UGP2: variants seen among roughly 807,000 people sequenced by gnomAD.
UGP2 encodes UDP-glucose pyrophosphorylase 2, also known as UTP--glucose-1-phosphate uridylyltransferase.
UGP2 carries 40 observed loss-of-function variants against 49.0 expected under a neutral mutation model. That is an observed-to-expected ratio of 0.82 (90% CI 0.63 to 1.06). The LOEUF (loss-of-function observed/expected upper bound fraction) is 1.06, where lower values mean the gene tolerates loss of function less well. Ranked by LOEUF, UGP2 falls within the 50% of genes least tolerant of loss-of-function variation. The pLI is 0.00. For missense variants in UGP2, 460 were observed against 603.5 expected, an observed-to-expected ratio of 0.76 and a Z score of 2.49; for synonymous variants, 225 against 213.0, an observed-to-expected ratio of 1.06 and a Z score of -0.49.
chr2:63,846,634 C>T (rs1363596395), intron 1 of UGP2, among the ~76,000 whole-genome samples: 1 of 152,052 alleles, frequency 6.6e-6, no homozygotes, highest in Non-Finnish European at 1.5e-5. Flanking sequence ...TTTGGTGACT[C>T]CTATTTGATA....
chr2:63,861,806 G>T (rs1669872442), intron 3 of UGP2, among the ~76,000 whole-genome samples: 1 of 152,034 alleles, frequency 6.6e-6, no homozygotes, highest in Admixed American at 6.6e-5. Flanking sequence ...TAGAGAATTG[G>T]CATGAAGAGA....
chr2:63,864,235 T>C (rs1253246599), intron 3 of UGP2, among the ~76,000 whole-genome samples: 1 of 152,146 alleles, frequency 6.6e-6, no homozygotes, highest in Non-Finnish European at 1.5e-5. Flanking sequence ...GTTATGTCAT[T>C]TTACAAAAGA....
intron 4 of UGP2, 112 bp downstream of exon 4, chr2:63,882,763 G>A (rs1039618661): frequency 3.4e-6 from 4 of 1,180,922 alleles, no homozygotes; most frequent in Admixed American, 2.7e-5. Flanking sequence ...CAAAGAGCCT[G>A]CTATCTTTAA....
intron 3 of UGP2, among the ~76,000 whole-genome samples, chr2:63,865,124 C>A (rs577671752): frequency 2.0e-5 from 3 of 152,280 alleles, no homozygotes; most frequent in Non-Finnish European, 4.4e-5. Context: ...TACATTTATT[C>A]TACAGACCTA....
At position 63,842,080 on chromosome 2, in the gene UGP2, A is replaced by G; in HGVS notation, c.-106A>G. On this transcript the variant is annotated 5_prime_UTR_variant, in exon 1 of 10. Transcript: ENST00000337130. ...TAAGTAGTTAAATATAGGAGGAGAAAGAATACATCGGTTGTTAAAGCAGGA... is the reference window on the plus strand; with the variant it reads ...TAAGTAGTTAAATATAGGAGGAGAAGGAATACATCGGTTGTTAAAGCAGGA... 2.2e-6 allele frequency: 3 copies of G among 1,376,646 alleles called. No homozygotes were observed. The highest frequency in any genetic ancestry group is 2.9e-6 in the Non-Finnish European group (3 of 1,018,878). The allele number at this position is 1,376,646 out of a possible 1,614,324, so 85.3% of individuals were successfully genotyped here. A position where few individuals can be genotyped will look rare whatever the true frequency, so the allele number is the denominator to read the frequency against.
At position 63,891,174 on chromosome 2, in the gene UGP2, G is replaced by C; in HGVS notation, c.1474G>C (p.Ala492Pro). 6.2e-7 allele frequency: 1 copy of C among 1,613,798 alleles called. No individual in the cohort carries two copies. The highest frequency in any genetic ancestry group is 8.5e-7 in the Non-Finnish European group (1 of 1,179,846). The stretch of plus-strand genomic sequence containing the variant: ...TGACAGAATTGATATCCCACCTGGA[G>C]CAGTATTAGAGAACAAGATTGTGTC... ...HGDRIDIPPG[A>P]VLENKIVSGN... The change falls in exon 10 of 10, where the codon GCA becomes CCA. Residue 492 changes from alanine to proline, a missense_variant. This residue lies in a region of UGP2 where 317 missense variants were observed against 473.0 expected (regional missense o/e 0.67). Transcript: ENST00000337130.
rs1327784428 is a variant in UGP2, at chr2:63,842,122, C to A, written c.-64C>A. 2 of 1,551,404 alleles carry A rather than the reference C, an allele frequency of 1.3e-6. No individual in the cohort carries two copies. The highest frequency in any genetic ancestry group is 1.2e-5 in the South Asian group (1 of 81,358). On this transcript the variant is annotated 5_prime_UTR_variant, in exon 1 of 10. Transcript: ENST00000337130. Reference sequence around the variant, plus strand: ...AAAGCAGGAGAGGAAGAGAGACCTGCCCTGTAGCGTGACTCCTCTAGAAAA... The same window carrying A: ...AAAGCAGGAGAGGAAGAGAGACCTGACCTGTAGCGTGACTCCTCTAGAAAA...
intron 5 of UGP2, among the ~76,000 whole-genome samples, chr2:63,884,928 A>G (rs1408386422): frequency 6.9e-6 from 1 of 145,728 alleles, no homozygotes; most frequent in African/African-American, 2.7e-5. Context: ...ATAAAAAAGA[A>G]GGACATTTCT....
intron 3 of UGP2, among the ~76,000 whole-genome samples, chr2:63,879,136 AAC>A (rs1303449076): frequency 2.6e-5 from 4 of 152,168 alleles, no homozygotes; most frequent in Non-Finnish European, 1.5e-5. Flanking sequence ...TAGTATACCA[AAC>A]ATTTCTGTAA....
Position 63,842,088 on chromosome 2 carries a change from T to C in UGP2, c.-98T>C. Reference sequence around the variant, plus strand: ...TAAATATAGGAGGAGAAAGAATACATCGGTTGTTAAAGCAGGAGAGGAAGA... The same window carrying C: ...TAAATATAGGAGGAGAAAGAATACACCGGTTGTTAAAGCAGGAGAGGAAGA... On this transcript the variant is annotated 5_prime_UTR_variant, in exon 1 of 10. Coordinates refer to ENST00000337130, the MANE Select transcript of UGP2 (RefSeq NM_006759.4). 7.0e-7 allele frequency: 1 copy of C among 1,421,724 alleles called. No homozygotes were observed. The highest frequency in any genetic ancestry group is 1.4e-5 in the South Asian group (1 of 73,074). 88.1% of individuals were successfully genotyped at this position (1,421,724 alleles called of 1,614,324 possible). A position where few individuals can be genotyped will look rare whatever the true frequency, so the allele number is the denominator to read the frequency against.
chr2:63,847,374 C>T (rs1312280869), intron 1 of UGP2, among the ~76,000 whole-genome samples: 1 of 152,124 alleles, frequency 6.6e-6, no homozygotes, highest in Non-Finnish European at 1.5e-5. Context: ...GTGTGAGGAA[C>T]ATCAGTTGGC....
intron 5 of UGP2, among the ~76,000 whole-genome samples, chr2:63,884,308 A>T (rs1558960832): frequency 6.6e-6 from 1 of 151,830 alleles, no homozygotes; most frequent in Non-Finnish European, 1.5e-5. Flanking sequence ...TCTGCTTGAG[A>T]CTCTGTTCCA....
chr2:63,890,742 TA>T (rs1473485646), intron 9 of UGP2, among the ~76,000 whole-genome samples: 20 of 152,304 alleles, frequency 1.3e-4, no homozygotes, highest in Admixed American at 1.2e-3. Context: ...TAAACTGTTA[TA>T]AAAACAACAA....
Position 63,875,137 on chromosome 2 carries a change from A to G in UGP2, c.256-7329A>G, listed in dbSNP as rs563093823. ...AAATAGACAATACATGAAAGTGACT[A>G]GCACAGAATTTGGCACACAAACCCT... On this transcript the variant is annotated intron_variant, in intron 3 of 9. Coordinates refer to ENST00000337130, the MANE Select transcript of UGP2 (RefSeq NM_006759.4). 2.0e-5 allele frequency among the ~76,000 whole-genome samples: 3 copies of G among 152,362 alleles called. No individual in the cohort carries two copies. In the South Asian group the frequency reaches 6.2e-4, roughly 32 times the overall value.
intron 1 of UGP2, among the ~76,000 whole-genome samples, chr2:63,852,415 C>T (rs1362980645): frequency 1.3e-5 from 2 of 152,198 alleles, no homozygotes; most frequent in Non-Finnish European, 2.9e-5. Flanking sequence ...TTCTAGATGT[C>T]CCAAATGGAA....
At chr2:63,882,427 G>T in intron 3 of UGP2, 39 bp from the exon 4 acceptor site, 1 of 1,472,584 alleles carries the variant, frequency 6.8e-7, no homozygotes, top group Non-Finnish European at 9.1e-7. Flanking sequence ...GTCCCTTAAA[G>T]CTGTTTAAAT....
intron 3 of UGP2, among the ~76,000 whole-genome samples, chr2:63,865,676 C>T (rs1390293350): frequency 6.6e-6 from 1 of 151,702 alleles, no homozygotes; most frequent in African/African-American, 2.4e-5. Flanking sequence ...GTAGCAGGGA[C>T]TACAGGCACG....
Position 63,884,110 on chromosome 2 carries a change from A to G in UGP2, c.575+17A>G, listed in dbSNP as rs199699080. ...TCAAAGCAGGTACAATGAGTAAAAA[A>G]TTAACTCTGGGTATGTTACTCCTGG... On this transcript the variant is annotated intron_variant, in intron 5 of 9. Coordinates refer to ENST00000337130, the MANE Select transcript of UGP2 (RefSeq NM_006759.4). 1.2e-6 allele frequency: 2 copies of G among 1,610,890 alleles called. No individual in the cohort carries two copies. The highest frequency in any genetic ancestry group is 1.3e-5 in the African/African-American group (1 of 74,936).
chr2:63,887,319 C>T, intron 7 of UGP2, 83 bp from the exon 8 acceptor site: 1 of 1,531,616 alleles, frequency 6.5e-7, no homozygotes, highest in South Asian at 1.3e-5. Context: ...AATCACTTCC[C>T]AAATATTAAC....
Sources: allele counts gnomAD v4.1 joint callset (sites outside exome capture counted in the v4.1 genomes callset), GRCh38; gene constraint gnomAD v4.1.1; regional missense constraint gnomAD v4.1.1; transcripts MANE v1.5; gene names NCBI Gene and HGNC (gene_info 2026-07-23, HGNC 2026-07-21).